Variants in MIPOL1 observed in about 807,000 individuals in gnomAD.
The protein encoded by MIPOL1 is mirror-image polydactyly gene 1 protein.
MIPOL1 carries 57 observed loss-of-function variants against 60.9 expected under a neutral mutation model. The ratio of observed to expected loss-of-function variants is 0.94; its 90% CI spans 0.76 to 1.17. MIPOL1 has a LOEUF of 1.17. Among genes scored for constraint, MIPOL1 ranks in the 50% most tolerant of loss-of-function variants. The pLI, the probability that MIPOL1 is intolerant of heterozygous loss-of-function variation, is 0.00. For synonymous variants in MIPOL1, 179 were observed against 168.8 expected, an observed-to-expected ratio of 1.06 and a Z score of -0.47; for missense variants, 551 against 511.6, an observed-to-expected ratio of 1.08 and a Z score of -0.74.
chr14:37,323,573 GTTAATC>G (rs2088837512), intron 9 of MIPOL1, among the ~76,000 whole-genome samples: 2 of 151,860 alleles, frequency 1.3e-5, no homozygotes, highest in East Asian at 3.9e-4. Flanking sequence ...GTTTTTCACT[GTTAATC>G]TTTACTTTTT....
At chr14:37,343,258 C>T (rs2090709176) in intron 9 of MIPOL1, among the ~76,000 whole-genome samples, 1 of 151,810 alleles carries the variant, frequency 6.6e-6, no homozygotes, top group Non-Finnish European at 1.5e-5. Context: ...GATATTTTGC[C>T]AGAGTTTGAA....
intron 10 of MIPOL1, among the ~76,000 whole-genome samples, chr14:37,391,129 CA>C (rs577240331): frequency 1.1e-4 from 17 of 149,346 alleles, no homozygotes; most frequent in East Asian, 2.0e-4. Flanking sequence ...GTTAAAGCTC[CA>C]AAAAAAAAGC....
rs1353617242 is a variant in MIPOL1 at position 37,512,851 on chromosome 14, A to G, written c.1262+12713A>G. On this transcript the variant is annotated intron_variant, in intron 12 of 12. Transcript: ENST00000684589. ...TGAAAGTTAACTTTGATTTATTAGTACTATTAATAAGTGGGAGGAGACCTA... is the reference window on the plus strand; with the variant it reads ...TGAAAGTTAACTTTGATTTATTAGTGCTATTAATAAGTGGGAGGAGACCTA... Among the ~76,000 whole-genome samples the G allele has an allele frequency of 2.0e-5, 3 of 152,280 alleles. No homozygotes were observed. In the East Asian group the frequency reaches 5.8e-4, roughly 29 times the overall value.
At chr14:37,393,240 A>G (rs951948926) in intron 10 of MIPOL1, among the ~76,000 whole-genome samples, 16 of 152,040 alleles carry the variant, frequency 1.1e-4, no homozygotes, top group Admixed American at 7.2e-4. Flanking sequence ...TGGCCTCCAG[A>G]AATGTGAGAG....
chr14:37,331,820 G>C (rs976660310), intron 9 of MIPOL1, among the ~76,000 whole-genome samples: 1 of 152,136 alleles, frequency 6.6e-6, no homozygotes, highest in African/African-American at 2.4e-5. Flanking sequence ...TAAAAGTGGT[G>C]AAAGTGAGTG....
At chr14:37,466,005 G>A (rs1047390816) in intron 11 of MIPOL1, among the ~76,000 whole-genome samples, 3 of 151,902 alleles carry the variant, frequency 2.0e-5, no homozygotes, top group Non-Finnish European at 4.4e-5. Flanking sequence ...ATAAAACAAG[G>A]GGCTCAACAG....
intron 3 of MIPOL1, among the ~76,000 whole-genome samples, chr14:37,248,827 A>G (rs1020502178): frequency 6.6e-6 from 1 of 152,122 alleles, no homozygotes; most frequent in Non-Finnish European, 1.5e-5. Flanking sequence ...ATTAAGACAC[A>G]TATATGAGAC....
At chr14:37,442,507 G>C (rs913959384) in intron 11 of MIPOL1, among the ~76,000 whole-genome samples, 1 of 152,078 alleles carries the variant, frequency 6.6e-6, no homozygotes, top group Non-Finnish European at 1.5e-5. Context: ...GCTGGGGTTT[G>C]TCATAGATGG....
intron 1 of MIPOL1, among the ~76,000 whole-genome samples, chr14:37,245,538 T>C (rs1490066377): frequency 6.6e-6 from 1 of 152,134 alleles, no homozygotes; most frequent in African/African-American, 2.4e-5. Context: ...TTTATTTTAT[T>C]TTTATGGTTT....
At chr14:37,270,641 C>T (rs1264827848) in intron 6 of MIPOL1, 116 bp downstream of exon 6, 69 of 212,178 alleles carry the variant, frequency 3.3e-4, no homozygotes, top group South Asian at 1.3e-3. Context: ...GGAAGCTCTC[C>T]TTTTTTTTTT....
In MIPOL1 at chr14:37,500,104, G is replaced by A. The variant is rs751743309; in HGVS notation, c.1228G>A (p.Glu410Lys). The A allele has an allele frequency of 4.3e-6, 7 of 1,613,018 alleles. No homozygotes were observed. The South Asian group carries it at 6.6e-5, about 15-fold the overall frequency. Reference protein sequence around the residue: ...NMELQLQHAREASQVANEKVQ... With the variant: ...NMELQLQHARKASQVANEKVQ... Reference sequence around the variant, plus strand: ...GGAATTACAACTTCAACATGCCAGAGAGGCCTCCCAAGTGGCCAATGAAAA... The same window carrying A: ...GGAATTACAACTTCAACATGCCAGAAAGGCCTCCCAAGTGGCCAATGAAAA... The change falls in exon 12 of 13, where the codon GAG becomes AAG. Residue 410 changes from glutamate (E) to lysine (K), a missense_variant. Physicochemically the swap from Glu to Lys is moderately conservative, Grantham distance 56 (BLOSUM62 1). Coordinates refer to ENST00000684589, the MANE Select transcript of MIPOL1 (RefSeq NM_001388067.1).
rs371321198 is a variant in MIPOL1, at chr14:37,266,974, G to A, written c.56G>A (p.Gly19Glu). 1 of 1,613,192 alleles carries A rather than the reference G, an allele frequency of 6.2e-7. No homozygotes were observed. The highest frequency in any genetic ancestry group is 8.5e-7 in the Non-Finnish European group (1 of 1,179,572). The change falls in exon 4 of 13, where the codon GGG becomes GAG. Residue 19 changes from glycine to glutamate, a missense_variant. Gly to Glu is a moderately conservative substitution (Grantham distance 98). Transcript: ENST00000684589. ...AGTTATCTTGAACAAGAAACTACGGGGATAAATAAAAGTACGCAGCCAGAT... is the reference window on the plus strand; with the variant it reads ...AGTTATCTTGAACAAGAAACTACGGAGATAAATAAAAGTACGCAGCCAGAT... ...THSYLEQETT[G>E]INKSTQPDEQ...
intron 1 of MIPOL1, among the ~76,000 whole-genome samples, chr14:37,241,437 GC>G (rs1456428230): frequency 1.3e-5 from 2 of 152,014 alleles, no homozygotes; most frequent in Non-Finnish European, 2.9e-5. Flanking sequence ...ATAAAATTAG[GC>G]TAGGTTCAGT....
At chr14:37,509,926 G>A (rs2095313217) in intron 12 of MIPOL1, among the ~76,000 whole-genome samples, 1 of 151,390 alleles carries the variant, frequency 6.6e-6, no homozygotes, top group Non-Finnish European at 1.5e-5. Context: ...AGCACCCACA[G>A]TCATTGATCA....
At chr14:37,425,258 A>G (rs973837199) in intron 11 of MIPOL1, among the ~76,000 whole-genome samples, 18 of 152,170 alleles carry the variant, frequency 1.2e-4, no homozygotes, top group Admixed American at 9.8e-4. Context: ...ATGAACTGAC[A>G]TTACTTCCTA....
At chr14:37,329,009 G>A (rs182750486) in intron 9 of MIPOL1, among the ~76,000 whole-genome samples, 5 of 151,988 alleles carry the variant, frequency 3.3e-5, no homozygotes, top group Admixed American at 2.0e-4. Flanking sequence ...CAAAGAGAGC[G>A]GGCAGGTAAG....
chr14:37,269,182 G>A (rs1319816822), intron 5 of MIPOL1, among the ~76,000 whole-genome samples: 1 of 151,640 alleles, frequency 6.6e-6, no homozygotes, highest in Non-Finnish European at 1.5e-5. Context: ...CCCTATATTT[G>A]ACCTCAATAA....
chr14:37,281,036 TA>T (rs1400274559), intron 6 of MIPOL1, among the ~76,000 whole-genome samples: 2 of 152,230 alleles, frequency 1.3e-5, no homozygotes, highest in African/African-American at 4.8e-5. Flanking sequence ...AGTCTTTTTT[TA>T]CTTTCACTGC....
chr14:37,517,355 A>G (rs936897388), intron 12 of MIPOL1, among the ~76,000 whole-genome samples: 6 of 152,226 alleles, frequency 3.9e-5, no homozygotes, highest in African/African-American at 1.4e-4. Context: ...CTCAGAAACT[A>G]TATAAGAACC....
Sources: allele counts gnomAD v4.1 joint callset (sites outside exome capture counted in the v4.1 genomes callset), GRCh38; gene constraint gnomAD v4.1.1; transcripts MANE v1.5; gene names NCBI Gene and HGNC (gene_info 2026-07-23, HGNC 2026-07-21).